Variants in PHACTR3 observed in about 807,000 individuals in gnomAD.
PHACTR3 encodes phosphatase and actin regulator 3, also known as protein phosphatase 1, regulatory subunit 123.
PHACTR3 carries 16 observed loss-of-function variants against 66.8 expected under a neutral mutation model. The ratio of observed to expected loss-of-function variants is 0.24; its 90% CI spans 0.16 to 0.36. PHACTR3 has a LOEUF of 0.36. Ranked by LOEUF, PHACTR3 falls within the 10% of genes least tolerant of loss-of-function variation. PHACTR3 has a pLI of 1.00. For missense variants in PHACTR3, 647 were observed against 719.9 expected (o/e 0.90, Z 1.16); for synonymous variants, 323 against 292.1 (o/e 1.11, Z -1.08).
At chr20:59,589,705 A>G (rs2033135360) in intron 1 of PHACTR3, among the ~76,000 whole-genome samples, 1 of 152,216 alleles carries the variant, frequency 6.6e-6, no homozygotes, top group Non-Finnish European at 1.5e-5. Flanking sequence ...AACATAGGAA[A>G]CGTCCACATT....
At chr20:59,599,446 C>T (rs1359312039) in intron 1 of PHACTR3, among the ~76,000 whole-genome samples, 2 of 152,096 alleles carry the variant, frequency 1.3e-5, no homozygotes, top group African/African-American at 4.8e-5. Flanking sequence ...CGTCTAAGTG[C>T]CCGCAAGAAG....
intron 1 of PHACTR3, among the ~76,000 whole-genome samples, chr20:59,620,403 A>G (rs2034187640): frequency 6.6e-6 from 1 of 152,128 alleles, no homozygotes; most frequent in Non-Finnish European, 1.5e-5. Context: ...CTATCCTGTG[A>G]TCCACCCAGG....
chr20:59,775,423 C>T (rs561365991), intron 7 of PHACTR3, among the ~76,000 whole-genome samples: 159 of 152,242 alleles, frequency 1.0e-3, no homozygotes, highest in African/African-American at 3.7e-3. Flanking sequence ...CATCAGATGT[C>T]GGTGCTGACC....
At chr20:59,707,239 G>A (rs919118005) in intron 1 of PHACTR3, among the ~76,000 whole-genome samples, 1 of 152,176 alleles carries the variant, frequency 6.6e-6, no homozygotes. Context: ...GGAAATGACT[G>A]TGTAGAGCCC....
At chr20:59,786,686 C>T (rs1272237046) in intron 7 of PHACTR3, among the ~76,000 whole-genome samples, 2 of 150,884 alleles carry the variant, frequency 1.3e-5, no homozygotes, top group Non-Finnish European at 3.0e-5. Context: ...GCTGTCTGTG[C>T]AGCTGACAGG....
Position 59,806,131 on chromosome 20 carries a change from T to C in PHACTR3, c.1265T>C (p.Phe422Ser). Residue 422 changes from phenylalanine (F) to serine (S), a missense_variant, in exon 8 of 13, where the codon TTC becomes TCC. By Grantham distance (155) the Phe-to-Ser change is radical (BLOSUM62 -2). Coordinates refer to ENST00000371015, the MANE Select transcript of PHACTR3 (RefSeq NM_080672.5). ...SKQELEDRNIFPRRTDEERQE... is the reference protein window; with the variant it reads ...SKQELEDRNISPRRTDEERQE... ...CAGGAACTAGAAGACCGGAACATTT[T>C]CCCCAGAAGGACTGATGAAGAAAGA... is the stretch of plus-strand genomic sequence containing the variant. 1 of 1,614,246 alleles carries C rather than the reference T, an allele frequency of 6.2e-7. No individual in the cohort carries two copies. Among genetic ancestry groups the C allele is most frequent in the Non-Finnish European group, 8.5e-7 (1 of 1,180,048 alleles).
At chr20:59,615,567 A>G (rs1442386054) in intron 1 of PHACTR3, among the ~76,000 whole-genome samples, 8 of 152,218 alleles carry the variant, frequency 5.3e-5, no homozygotes, top group Admixed American at 5.2e-4. Flanking sequence ...GGCTTCTGCA[A>G]AAGCATTCTC....
rs994288041 is a variant in PHACTR3, at chr20:59,577,530, C to A, written c.22C>A (p.Arg8Ser). The stretch of plus-strand genomic sequence containing the variant: ...CGGGATGCGTGGCCGTGGCGGGGGG[C>A]GCGCCCGCTGTCCTGCGCCCCTGCG... The change falls in exon 1 of 13, where the codon CGC (arginine) becomes AGC (serine). Residue 8 changes from arginine to serine, a missense_variant. Coordinates refer to the PHACTR3 transcript ENST00000359926. 6 of 1,160,948 alleles carry A rather than the reference C, an allele frequency of 5.2e-6. No individual in the cohort carries two copies. In the African/African-American group the frequency reaches 6.5e-5, roughly 13 times the overall value. The allele number at this position is 1,160,948 out of a possible 1,614,324, so 71.9% of individuals were successfully genotyped here. A position where few individuals can be genotyped will look rare whatever the true frequency, so the allele number is the denominator to read the frequency against.
At chr20:59,762,350 C>T (rs546936723) in intron 4 of PHACTR3, among the ~76,000 whole-genome samples, 1 of 152,366 alleles carries the variant, frequency 6.6e-6, no homozygotes, top group Non-Finnish European at 1.5e-5. Context: ...GCACTATGAC[C>T]ATTGACTCAG....
At chr20:59,840,926 A>T (rs2059046802) in intron 10 of PHACTR3, among the ~76,000 whole-genome samples, 1 of 152,216 alleles carries the variant, frequency 6.6e-6, no homozygotes, top group South Asian at 2.1e-4. Flanking sequence ...TATAAATCTT[A>T]ATCTACTTTT....
chr20:59,662,600 A>T (rs1601034125), intron 1 of PHACTR3, among the ~76,000 whole-genome samples: 1 of 152,250 alleles, frequency 6.6e-6, no homozygotes, highest in East Asian at 1.9e-4. Context: ...GTGGGATTTT[A>T]TCCTTAAAAC....
At chr20:59,713,555 A>G (rs955002127) in intron 1 of PHACTR3, among the ~76,000 whole-genome samples, 3 of 152,100 alleles carry the variant, frequency 2.0e-5, no homozygotes, top group Non-Finnish European at 4.4e-5. Context: ...TCAACATTAC[A>G]TTTCTAAGAT....
At chr20:59,798,223 T>C (rs1043372228) in intron 7 of PHACTR3, among the ~76,000 whole-genome samples, 5 of 147,406 alleles carry the variant, frequency 3.4e-5, no homozygotes, top group African/African-American at 1.3e-4. Flanking sequence ...GTGAAGCCCT[T>C]TTTTAAGGGC....
chr20:59,824,123 T>A (rs1243156228), intron 8 of PHACTR3, among the ~76,000 whole-genome samples: 1 of 152,166 alleles, frequency 6.6e-6, no homozygotes, highest in Non-Finnish European at 1.5e-5. Flanking sequence ...GCCAGGACAC[T>A]CTCCTTGACT....
At chr20:59,744,230 C>T (rs545776497) in intron 2 of PHACTR3, among the ~76,000 whole-genome samples, 49 of 152,370 alleles carry the variant, frequency 3.2e-4, no homozygotes, top group African/African-American at 1.2e-3. Flanking sequence ...GGAAATCACT[C>T]ACCCAGGGTC....
intron 8 of PHACTR3, among the ~76,000 whole-genome samples, chr20:59,811,043 G>T (rs1160120148): frequency 6.6e-6 from 1 of 152,192 alleles, no homozygotes; most frequent in African/African-American, 2.4e-5. Context: ...CATTTATCTA[G>T]TCTTCACAGT....
chr20:59,731,457 C>G (rs1341995421), intron 1 of PHACTR3, among the ~76,000 whole-genome samples: 1 of 152,200 alleles, frequency 6.6e-6, no homozygotes, highest in Non-Finnish European at 1.5e-5. Context: ...CCACCTTTCT[C>G]CTTCCTCATC....
chr20:59,821,398 C>A (rs1394965283), intron 8 of PHACTR3, among the ~76,000 whole-genome samples: 1 of 152,152 alleles, frequency 6.6e-6, no homozygotes, highest in Non-Finnish European at 1.5e-5. Context: ...AGGGTGGCTG[C>A]AAAGGCACCA....
At chr20:59,699,748 G>T (rs764017083) in intron 1 of PHACTR3, among the ~76,000 whole-genome samples, 17 of 152,266 alleles carry the variant, frequency 1.1e-4, no homozygotes, top group Non-Finnish European at 4.4e-5. Flanking sequence ...TGGATCATGA[G>T]GTCAAGAGAT....
Sources: allele counts gnomAD v4.1 joint callset (sites outside exome capture counted in the v4.1 genomes callset), GRCh38; gene constraint gnomAD v4.1.1; transcripts MANE v1.5; gene names NCBI Gene and HGNC (gene_info 2026-07-23, HGNC 2026-07-21).